TEKT3: variants seen among roughly 807,000 people sequenced by gnomAD.
TEKT3 encodes tektin-3.
A neutral mutation model predicts 49.8 loss-of-function variants in TEKT3; 49 were observed. That is an observed-to-expected ratio of 0.98 (90% confidence interval 0.78 to 1.25). The LOEUF (loss-of-function observed/expected upper bound fraction) is 1.25. Among genes scored for constraint, TEKT3 ranks in the 50% most tolerant of loss-of-function variants. The pLI is 0.00. For synonymous variants in TEKT3, 225 were observed against 237.2 expected (o/e 0.95, Z 0.47); for missense variants, 595 against 629.5 (o/e 0.95, Z 0.59).
At chr17:15,331,989 G>A (rs1215784675) in intron 2 of TEKT3, among the ~76,000 whole-genome samples, 6 of 151,968 alleles carry the variant, frequency 3.9e-5, no homozygotes, top group Non-Finnish European at 7.4e-5. Context: ...GACCAGCCTA[G>A]CCAACAAGAC....
intron 4 of TEKT3, among the ~76,000 whole-genome samples, chr17:15,326,640 G>A (rs1257921938): frequency 1.3e-5 from 2 of 152,154 alleles, no homozygotes; most frequent in Non-Finnish European, 2.9e-5. Flanking sequence ...AAAGGGACAG[G>A]CAATAGGCTA....
In TEKT3 at chr17:15,304,529, T is replaced by C. The variant is rs1255871903; in HGVS notation, c.1257-377A>G. 6.6e-6 allele frequency among the ~76,000 whole-genome samples: 1 copy of C among 151,862 alleles called. No individual in the cohort carries two copies. The highest frequency in any genetic ancestry group is 1.5e-5 in the Non-Finnish European group (1 of 67,972). On this transcript the variant is annotated intron_variant, in intron 8 of 8. Coordinates refer to ENST00000395930, the MANE Select transcript of TEKT3 (RefSeq NM_031898.3). The surrounding 1 kb of genome is among the most constrained non-coding windows in gnomAD (Gnocchi z 4.7). ...CAGACTAGGAAATAGAGCCCAGGGG[T>C]TCATAAGCTGTCCTTTCCATCGACA... is the stretch of plus-strand genomic sequence containing the variant.
chr17:15,335,318 AG>A (rs1415883698), intron 2 of TEKT3, among the ~76,000 whole-genome samples: 14 of 152,262 alleles, frequency 9.2e-5, no homozygotes, highest in African/African-American at 3.4e-4. Flanking sequence ...ATATGCATCA[AG>A]GAACACTCCA....
rs35855709 is a variant in TEKT3 at position 15,308,690 on chromosome 17, C to A, written c.1230G>T (p.Glu410Asp). ...GTAGCTGAGCCATGTCTCGGCACAA[C>A]TCAATGTTCGGCCGTCTTGTGCGCT... ...LDERTRRPNIELCRDMAQLRL... is the reference protein window; with the variant it reads ...LDERTRRPNIDLCRDMAQLRL... Residue 410 changes from glutamate (E) to aspartate (D), a missense_variant, in exon 8 of 9, where the codon GAG becomes GAT. By Grantham distance (45) the Glu-to-Asp change is conservative (BLOSUM62 2). Coordinates refer to ENST00000395930, the MANE Select transcript of TEKT3 (RefSeq NM_031898.3). The A allele has an allele frequency of 1.9e-3, 3,068 of 1,612,322 alleles. 49 individuals are homozygous for A. In the African/African-American group the frequency reaches 0.035, roughly 18 times the overall value.
At chr17:15,310,238 T>G (rs902918192) in intron 7 of TEKT3, among the ~76,000 whole-genome samples, 1 of 152,236 alleles carries the variant, frequency 6.6e-6, no homozygotes, top group African/African-American at 2.4e-5. Context: ...TCCCGTTTTC[T>G]GTGTGCATGT....
At chr17:15,308,561 T>C in intron 8 of TEKT3, 103 bp downstream of exon 8, 2 of 1,469,188 alleles carry the variant, frequency 1.4e-6, no homozygotes, top group Middle Eastern at 2.5e-4. Context: ...AGAAGGCTCC[T>C]ACATGCTGCG....
chr17:15,341,992 C>T (rs999414801), upstream of TEKT3, among the ~76,000 whole-genome samples: 1 of 152,176 alleles, frequency 6.6e-6, no homozygotes, highest in Non-Finnish European at 1.5e-5. Flanking sequence ...TGTTGACAAG[C>T]CCCCACCTTT....
At chr17:15,339,412 A>G (rs1912134303) in intron 2 of TEKT3, among the ~76,000 whole-genome samples, 1 of 152,210 alleles carries the variant, frequency 6.6e-6, no homozygotes, top group Non-Finnish European at 1.5e-5. Flanking sequence ...AAAGTCAAAT[A>G]CAATGTTTGA....
At chr17:15,309,065 C>G (rs1174628321) in intron 7 of TEKT3, among the ~76,000 whole-genome samples, 1 of 152,136 alleles carries the variant, frequency 6.6e-6, no homozygotes, top group Non-Finnish European at 1.5e-5. Context: ...GCTTGGCAAC[C>G]TCATTTTGGT....
At position 15,331,561 on chromosome 17, in the gene TEKT3, T is replaced by C. The variant is rs779318052; in HGVS notation, c.25A>G (p.Thr9Ala). 1 of 1,613,082 alleles carries C rather than the reference T, an allele frequency of 6.2e-7. No individual in the cohort carries two copies. Among genetic ancestry groups the C allele is most frequent in the African/African-American group, 1.3e-5 (1 of 74,648 alleles). Residue 9 changes from threonine (T) to alanine (A), a missense_variant, in exon 3 of 9, where the codon ACG becomes GCG. Thr to Ala is a moderately conservative substitution (Grantham distance 58). Coordinates refer to ENST00000395930, the MANE Select transcript of TEKT3 (RefSeq NM_031898.3). ...GGTCTAGGGTGGGCGTAAGTTGTCG[T>C]TAAAGTACAACCTACACGTTCCATG... MERVGCTLTTTYAHPRPTP... is the reference protein window; with the variant it reads MERVGCTLATTYAHPRPTP...
chr17:15,318,929 T>A, intron 5 of TEKT3, 148 bp downstream of exon 5: 3 of 570,230 alleles, frequency 5.3e-6, no homozygotes, highest in Non-Finnish European at 6.0e-6. Flanking sequence ...AGCTGGGGTA[T>A]CAAGTAATCA....
Position 15,308,795 on chromosome 17 carries a change from A to G in TEKT3, c.1125T>C (p.Thr375=). Residue 375 remains threonine, a synonymous_variant, in exon 8 of 9, where the codon ACT becomes ACC. Transcript: ENST00000395930. ...LAKTLQEIFQ[T]EMTIESIKKA... The stretch of plus-strand genomic sequence containing the variant: ...TCTTGATGGATTCTATGGTCATTTC[A>G]GTCTGGAAAATCTCCTGCAGGGTCT... 1.2e-6 allele frequency: 2 copies of G among 1,613,934 alleles called. No homozygotes were observed. Among genetic ancestry groups the G allele is most frequent in the Non-Finnish European group, 1.7e-6 (2 of 1,179,914 alleles).
chr17:15,320,470 A>C (rs1911203719), intron 4 of TEKT3, among the ~76,000 whole-genome samples: 1 of 152,216 alleles, frequency 6.6e-6, no homozygotes, highest in South Asian at 2.1e-4. Context: ...TATGATATCA[A>C]ATCTATCAAA....
At chr17:15,338,671 ATTTTTT>A (rs60841981) in intron 2 of TEKT3, 6 of 94,154 alleles carry the variant, frequency 6.4e-5, no homozygotes, top group East Asian at 3.2e-4. Flanking sequence ...CACCTGGCTA[ATTTTTT>A]TTTTTTTTTT....
chr17:15,321,446 C>T (rs539034862), intron 4 of TEKT3, among the ~76,000 whole-genome samples: 23 of 152,330 alleles, frequency 1.5e-4, no homozygotes, highest in African/African-American at 5.3e-4. Context: ...ACTTATCCTT[C>T]CATCTGTACC....
At chr17:15,319,531 A>G (rs1911163754) in intron 4 of TEKT3, among the ~76,000 whole-genome samples, 1 of 152,238 alleles carries the variant, frequency 6.6e-6, no homozygotes, top group African/African-American at 2.4e-5. Context: ...CTTCCAAGAC[A>G]AAGTAAGTCA....
chr17:15,336,202 G>A (rs1911976142), intron 2 of TEKT3, among the ~76,000 whole-genome samples: 1 of 151,954 alleles, frequency 6.6e-6, no homozygotes, highest in Admixed American at 6.6e-5. Flanking sequence ...ACCAGGGATA[G>A]AGAGAAAATT....
intron 1 of TEKT3, among the ~76,000 whole-genome samples, chr17:15,341,230 A>G (rs546211149): frequency 6.6e-6 from 1 of 152,316 alleles, no homozygotes; most frequent in South Asian, 2.1e-4. Flanking sequence ...AAGAAATTAA[A>G]CGAATTAGCA....
chr17:15,317,780 T>A (rs1187280653), intron 5 of TEKT3, among the ~76,000 whole-genome samples: 1 of 151,988 alleles, frequency 6.6e-6, no homozygotes, highest in Admixed American at 6.5e-5. Context: ...GAGACCTTCT[T>A]TATTATTATT....
Sources: allele counts gnomAD v4.1 joint callset (sites outside exome capture counted in the v4.1 genomes callset), GRCh38; gene constraint gnomAD v4.1.1; non-coding constraint Gnocchi (gnomAD v3.1); transcripts MANE v1.5; gene names NCBI Gene and HGNC (gene_info 2026-07-23, HGNC 2026-07-21).